Variants in PTPN3 observed in about 807,000 individuals in gnomAD.
PTPN3 encodes tyrosine-protein phosphatase non-receptor type 3.
In PTPN3, 96 loss-of-function variants were observed where a neutral mutation model predicts 132.7. The observed-to-expected ratio is 0.72, with a 90% CI of 0.61 to 0.86. The LOEUF (loss-of-function observed/expected upper bound fraction) is 0.86. PTPN3 is among the 40% of genes least tolerant of loss of function. The pLI is 0.00. For missense variants in PTPN3, 1,125 were observed against 1,159.6 expected, an observed-to-expected ratio of 0.97 and a Z score of 0.43; for synonymous variants, 398 against 429.0, an observed-to-expected ratio of 0.93 and a Z score of 0.89.
intron 22 of PTPN3, 35 bp downstream of exon 22, chr9:109,389,198 C>T: frequency 6.2e-7 from 1 of 1,610,660 alleles, no homozygotes; most frequent in East Asian, 2.2e-5. Flanking sequence ...GGGTGTGACA[C>T]TGCACACATC....
upstream of PTPN3, among the ~76,000 whole-genome samples, chr9:109,499,423 G>A (rs370169306): frequency 1.3e-5 from 2 of 152,264 alleles, no homozygotes; most frequent in East Asian, 3.9e-4. Flanking sequence ...ACCGCTTAGG[G>A]AACGGCAAGG....
In PTPN3 at chr9:109,397,090, C is replaced by T. The variant is rs887589459; in HGVS notation, c.1954-5529G>A. 4.6e-5 allele frequency among the ~76,000 whole-genome samples: 7 copies of T among 152,180 alleles called. No individual in the cohort carries two copies. The East Asian group carries it at 1.2e-3, about 25-fold the overall frequency. On this transcript the variant is annotated intron_variant, in intron 19 of 25. Coordinates refer to ENST00000374541, the MANE Select transcript of PTPN3 (RefSeq NM_002829.4). ...AAAGGACAGGAAAAAAAAGGGGGAC[C>T]GGGAATCAAGGAAACCATGGGTAAG...
chr9:109,426,813 A>T, intron 12 of PTPN3, 137 bp downstream of exon 12: 1 of 945,824 alleles, frequency 1.1e-6, no homozygotes, highest in East Asian at 2.5e-5. Flanking sequence ...ACTTTTAGTT[A>T]TGGTTCAGAG....
At chr9:109,508,058 TC>T in the PTPN3 span, among the ~76,000 whole-genome samples, 1 of 152,192 alleles carries the variant, frequency 6.6e-6, no homozygotes, top group South Asian at 2.1e-4. Context: ...CCTGTTGAAA[TC>T]CTGGTTAAGG....
chr9:109,450,173 A>C, intron 5 of PTPN3: 1 of 985,164 alleles, frequency 1.0e-6, no homozygotes, highest in Non-Finnish European at 1.2e-6. Context: ...TTTGATTATA[A>C]TTAACTACCC....
intron 19 of PTPN3, among the ~76,000 whole-genome samples, chr9:109,394,563 C>T (rs1488054297): frequency 6.6e-6 from 1 of 152,062 alleles, no homozygotes; most frequent in East Asian, 1.9e-4. Context: ...ATGCCTCAGC[C>T]TCCTGAGTAG....
In PTPN3 at chr9:109,384,629, A is replaced by C. The variant is rs141040403; in HGVS notation, c.2254-1078T>G. The stretch of plus-strand genomic sequence containing the variant: ...AGCAAACTTCAGGGCTAGGCTGTCC[A>C]TCCCATCATAGATCCTTCTGTCAGT... On this transcript the variant is annotated intron_variant, in intron 22 of 25. Coordinates refer to ENST00000374541, the MANE Select transcript of PTPN3 (RefSeq NM_002829.4). Among the ~76,000 whole-genome samples the C allele has an allele frequency of 7.8e-3, 1,188 of 152,352 alleles. 53 individuals carry two copies. Among genetic ancestry groups the C allele is most frequent in the Admixed American group, 0.064 (985 of 15,298 alleles).
chr9:109,419,189 T>C (rs952048931), intron 14 of PTPN3, among the ~76,000 whole-genome samples: 4 of 152,232 alleles, frequency 2.6e-5, no homozygotes, highest in Admixed American at 2.6e-4. Flanking sequence ...CAGGGATTAT[T>C]TAACCAGAGG....
chr9:109,385,456 T>C (rs1284180480), intron 22 of PTPN3, among the ~76,000 whole-genome samples: 1 of 152,206 alleles, frequency 6.6e-6, no homozygotes. Flanking sequence ...TGGCTTTACC[T>C]TGGCTTCAAA....
At chr9:109,446,054 T>C (rs926527932) in intron 6 of PTPN3, among the ~76,000 whole-genome samples, 1 of 152,178 alleles carries the variant, frequency 6.6e-6, no homozygotes, top group African/African-American at 2.4e-5. Flanking sequence ...CCTTTTCTTT[T>C]CTGCATTCAA....
chr9:109,503,264 A>G (rs537011437), upstream of PTPN3, among the ~76,000 whole-genome samples: 2 of 152,274 alleles, frequency 1.3e-5, no homozygotes, highest in East Asian at 3.9e-4. Flanking sequence ...CAGGAGCGAG[A>G]AGGTGGTCAG....
chr9:109,437,806 A>T (rs1268032569), intron 8 of PTPN3, among the ~76,000 whole-genome samples: 1 of 152,202 alleles, frequency 6.6e-6, no homozygotes, highest in East Asian at 1.9e-4. Flanking sequence ...TTACCTTGGT[A>T]CAGTCCATTG....
intron 11 of PTPN3, among the ~76,000 whole-genome samples, chr9:109,427,364 T>C (rs1843354854): frequency 6.6e-6 from 1 of 152,256 alleles, no homozygotes; most frequent in Admixed American, 6.5e-5. Context: ...CGCTTCTTCA[T>C]GAATGCTTTT....
At chr9:109,389,130 C>T in intron 22 of PTPN3, 103 bp downstream of exon 22, 1 of 1,443,206 alleles carries the variant, frequency 6.9e-7, no homozygotes. Flanking sequence ...CACATACGGG[C>T]TGGACCAGGA....
At chr9:109,533,126 ATTTTTTTTTT>A in the PTPN3 span, among the ~76,000 whole-genome samples, 16 of 36,554 alleles carry the variant, frequency 4.4e-4, 1 homozygote, top group Middle Eastern at 0.029. Flanking sequence ...TACCTGGCTA[ATTTTTTTTTT>A]TTTTTTTTTT....
chr9:109,492,854 G>C (rs1270617253), intron 1 of PTPN3, among the ~76,000 whole-genome samples: 2 of 152,190 alleles, frequency 1.3e-5, no homozygotes, highest in Non-Finnish European at 1.5e-5. Flanking sequence ...GCAACAATCA[G>C]AGCTTGCCAG....
chr9:109,467,229 A>T (rs1268276742), intron 1 of PTPN3, among the ~76,000 whole-genome samples: 1 of 152,072 alleles, frequency 6.6e-6, no homozygotes, highest in African/African-American at 2.4e-5. Flanking sequence ...TGTCAATTTT[A>T]TTTTTTAGTT....
intron 7 of PTPN3, among the ~76,000 whole-genome samples, chr9:109,441,033 A>G (rs950442121): frequency 2.0e-5 from 3 of 152,302 alleles, no homozygotes; most frequent in African/African-American, 7.2e-5. Context: ...TATCCCCACT[A>G]AACACATAAG....
chr9:109,523,192 C>T, the PTPN3 span, among the ~76,000 whole-genome samples: 546 of 151,640 alleles, frequency 3.6e-3, 5 homozygotes, highest in African/African-American at 0.013. Flanking sequence ...TCTTGGCTCA[C>T]AGCAACCTCC....
Sources: gnomAD v4.1 joint callset for allele counts (sites outside exome capture counted in the v4.1 genomes callset) on GRCh38, gnomAD v4.1.1 for gene constraint, MANE v1.5 for transcripts, NCBI Gene and HGNC (gene_info 2026-07-23, HGNC 2026-07-21) for gene names.